The following TIAM1 variants were observed in gnomAD, a reference collection of about 807,000 sequenced individuals.
TIAM1 encodes TIAM Rac1 associated GEF 1.
TIAM1 carries 65 observed loss-of-function variants against 163.5 expected under a neutral mutation model. That is an observed-to-expected ratio of 0.40 (90% CI 0.33 to 0.49). The LOEUF (loss-of-function observed/expected upper bound fraction) is 0.49, where lower values mean the gene tolerates loss of function less well. Ranked by LOEUF, TIAM1 falls within the 20% of genes least tolerant of loss-of-function variation. TIAM1 has a pLI of 0.77. For synonymous variants in TIAM1, 833 were observed against 810.1 expected (o/e 1.03, Z -0.48); for missense variants, 1,789 against 2,044.7 (o/e 0.87, Z 2.41).
chr21:31,385,427 A>G (rs1462301038), intron 2 of TIAM1, among the ~76,000 whole-genome samples: 2 of 152,156 alleles, frequency 1.3e-5, no homozygotes, highest in Admixed American at 1.3e-4. Context: ...GGCTGCTACG[A>G]AAGAAGGGTG....
chr21:31,258,061 C>A (rs565884789), intron 4 of TIAM1, among the ~76,000 whole-genome samples: 1 of 152,078 alleles, frequency 6.6e-6, no homozygotes, highest in East Asian at 1.9e-4. Context: ...GAAATTGCCC[C>A]CCACATCCCC....
At chr21:31,197,616 G>A (rs544846371) in intron 12 of TIAM1, among the ~76,000 whole-genome samples, 22 of 147,484 alleles carry the variant, frequency 1.5e-4, no homozygotes, top group African/African-American at 4.3e-4. Context: ...TGATCCGCCC[G>A]CCTCAGCCTC....
intron 15 of TIAM1, among the ~76,000 whole-genome samples, chr21:31,171,114 G>A (rs931776422): frequency 4.0e-5 from 6 of 151,386 alleles, no homozygotes; most frequent in East Asian, 1.9e-4. Flanking sequence ...ATGCCATTGC[G>A]GACAAGTGAG....
chr21:31,252,287 T>C (rs2146750556), intron 4 of TIAM1, 98 bp from the exon 5 acceptor site: 2 of 1,330,228 alleles, frequency 1.5e-6, no homozygotes, highest in East Asian at 4.6e-5. Flanking sequence ...CAGGGCTCTG[T>C]AGCAGCGGGA....
chr21:31,380,763 C>T (rs1330766317), intron 2 of TIAM1, among the ~76,000 whole-genome samples: 1 of 152,048 alleles, frequency 6.6e-6, no homozygotes, highest in Non-Finnish European at 1.5e-5. Context: ...AAATGTGGGT[C>T]AAAATCCTAA....
Position 31,433,821 on chromosome 21 carries a change from G to A in TIAM1, c.-369+30162C>T, listed in dbSNP as rs1030593375. 4.0e-5 allele frequency among the ~76,000 whole-genome samples: 6 copies of A among 150,394 alleles called. No homozygotes were observed. In the East Asian group the frequency reaches 7.8e-4, roughly 20 times the overall value. Reference sequence around the variant, plus strand: ...AAATGTCCTTTTTTTTTTTTGAGACGAAGTCTCGCTCTGTCTCCCAGGCTG... The same window carrying A: ...AAATGTCCTTTTTTTTTTTTGAGACAAAGTCTCGCTCTGTCTCCCAGGCTG... On this transcript the variant is annotated intron_variant, in intron 2 of 28. Coordinates refer to the TIAM1 transcript ENST00000286827.
rs566679140 is a variant in TIAM1, at chr21:31,484,288, T to C, written c.-421-20253A>G. Among the ~76,000 whole-genome samples the C allele has an allele frequency of 5.6e-4, 86 of 152,334 alleles. 1 individual carries two copies. Among genetic ancestry groups the C allele is most frequent in the Admixed American group, 3.7e-3 (56 of 15,310 alleles). On this transcript the variant is annotated intron_variant, in intron 1 of 28. Transcript: ENST00000286827. ...TACCCCAACTGCCTGTCACTTTGCG[T>C]GTCCCCCACAGGACTCCACAAAGAG...
chr21:31,297,998 T>C (rs2074354185), intron 2 of TIAM1, among the ~76,000 whole-genome samples: 1 of 152,192 alleles, frequency 6.6e-6, no homozygotes, highest in African/African-American at 2.4e-5. Context: ...GCTTCATAAT[T>C]TGAAAAACGT....
At chr21:31,164,434 C>T (rs917106346) in intron 16 of TIAM1, among the ~76,000 whole-genome samples, 3 of 151,008 alleles carry the variant, frequency 2.0e-5, no homozygotes, top group African/African-American at 7.3e-5. Context: ...CAGTGTCTTG[C>T]ACCAAAAAGT....
chr21:31,238,295 G>C (rs538661624), intron 6 of TIAM1, among the ~76,000 whole-genome samples: 29 of 152,346 alleles, frequency 1.9e-4, no homozygotes, highest in African/African-American at 6.7e-4. Context: ...ATAATAAGCA[G>C]AAGGCAGAGA....
chr21:31,435,101 C>T (rs2044167650), intron 2 of TIAM1, among the ~76,000 whole-genome samples: 1 of 152,076 alleles, frequency 6.6e-6, no homozygotes. Context: ...ACATTCTTGC[C>T]AAGAACTTCG....
intron 22 of TIAM1, among the ~76,000 whole-genome samples, chr21:31,140,206 T>TCTCTAGC (rs1245397971): frequency 6.6e-6 from 1 of 152,146 alleles, no homozygotes; most frequent in Non-Finnish European, 1.5e-5. Flanking sequence ...TAAGGTGCTT[T>TCTCTAGC]CTCTAGCCTA....
intron 14 of TIAM1, 48 bp downstream of exon 14, chr21:31,186,953 C>A (rs765456973): frequency 6.5e-7 from 1 of 1,528,188 alleles, no homozygotes; most frequent in South Asian, 1.1e-5. Flanking sequence ...TAGAGAAGCC[C>A]CAAAGGGCAT....
At chr21:31,296,920 C>T (rs980743415) in intron 2 of TIAM1, among the ~76,000 whole-genome samples, 9 of 152,272 alleles carry the variant, frequency 5.9e-5, no homozygotes, top group African/African-American at 2.2e-4. Context: ...GCCTTGGCCT[C>T]CCAAAATGCT....
intron 4 of TIAM1, among the ~76,000 whole-genome samples, chr21:31,256,550 A>G (rs1371796442): frequency 6.7e-6 from 1 of 148,740 alleles, no homozygotes; most frequent in South Asian, 2.1e-4. Context: ...CTGATTTATC[A>G]TCTTCTTCCT....
At chr21:31,228,220 T>TTA (rs1569068474) in intron 6 of TIAM1, among the ~76,000 whole-genome samples, 6 of 16,264 alleles carry the variant, frequency 3.7e-4, no homozygotes, top group Non-Finnish European at 6.3e-4. Context: ...CTCCTTTTTT[T>TTA]AAAAAAAAAA....
In TIAM1 at chr21:31,243,250, T is replaced by TTA. The variant is rs566897985; in HGVS notation, c.1584+2236_1584+2237dup. ...TGTATATTTCATATATATGTATATT[T>TTA]TATATATATATAAATATAAAAAAAT... On this transcript the variant is annotated intron_variant, in intron 6 of 27. Coordinates refer to ENST00000541036, the MANE Select transcript of TIAM1 (RefSeq NM_001353694.2). 4.3e-3 allele frequency among the ~76,000 whole-genome samples: 626 copies of TTA among 145,822 alleles called. 2 individuals are homozygous for TTA. The highest frequency in any genetic ancestry group is 0.015 in the African/African-American group (589 of 40,106).
intron 4 of TIAM1, among the ~76,000 whole-genome samples, chr21:31,261,885 G>A (rs1181780947): frequency 1.3e-5 from 2 of 152,084 alleles, no homozygotes; most frequent in African/African-American, 4.8e-5. Context: ...CTGGTCTCCT[G>A]AGGCTGAGGT....
rs925431119 is a variant in TIAM1 at position 31,395,675 on chromosome 21, T to C, written c.-368-56253A>G. On this transcript the variant is annotated intron_variant, in intron 2 of 28. Transcript: ENST00000286827. The surrounding 1 kb of genome is among the most constrained non-coding windows in gnomAD (Gnocchi z 7.5). ...AAGGTGCTGGACGAGAGAATAAATA[T>C]TGACTAAAACATCTATCTTGGGGAG... 2.0e-5 allele frequency among the ~76,000 whole-genome samples: 3 copies of C among 152,184 alleles called. No homozygotes were observed. The highest frequency in any genetic ancestry group is 2.9e-5 in the Non-Finnish European group (2 of 68,040).
Sources: gnomAD v4.1 joint callset for allele counts (sites outside exome capture counted in the v4.1 genomes callset) on GRCh38, gnomAD v4.1.1 for gene constraint, Gnocchi (gnomAD v3.1) non-coding constraint, MANE v1.5 for transcripts, NCBI Gene and HGNC (gene_info 2026-07-23, HGNC 2026-07-21) for gene names.